The following SRGAP3 variants were observed in gnomAD, a reference collection of about 807,000 sequenced individuals.
The protein encoded by SRGAP3 is SLIT-ROBO Rho GTPase-activating protein 3.
A neutral mutation model predicts 121.1 loss-of-function variants in SRGAP3; 39 were observed. The ratio of observed to expected loss-of-function variants is 0.32; its 90% CI spans 0.25 to 0.42. The LOEUF (loss-of-function observed/expected upper bound fraction) is 0.42. Among genes scored for constraint, SRGAP3 ranks in the 10% least tolerant of loss-of-function variants. SRGAP3 has a pLI of 1.00. For missense variants in SRGAP3, 1,213 were observed against 1,470.6 expected (o/e 0.82, Z 2.86); for synonymous variants, 601 against 570.0 (o/e 1.05, Z -0.77).
intron 3 of SRGAP3, among the ~76,000 whole-genome samples, chr3:9,084,393 A>T (rs1317498506): frequency 6.6e-6 from 1 of 152,172 alleles, no homozygotes; most frequent in Non-Finnish European, 1.5e-5. Context: ...GGTCAAATGG[A>T]AAGTTTTAGC....
intron 18 of SRGAP3, among the ~76,000 whole-genome samples, chr3:8,995,453 G>A (rs537887837): frequency 6.6e-6 from 1 of 152,314 alleles, no homozygotes; most frequent in East Asian, 1.9e-4. Flanking sequence ...TCCAGCTTGG[G>A]TGACAGAGCA....
At chr3:9,192,231 G>A (rs1951774276) in intron 1 of SRGAP3, among the ~76,000 whole-genome samples, 1 of 152,210 alleles carries the variant, frequency 6.6e-6, no homozygotes, top group Non-Finnish European at 1.5e-5. Flanking sequence ...CTGAGCCCTT[G>A]GAATATCGTG....
At chr3:9,029,381 T>C (rs1034185103) in intron 12 of SRGAP3, among the ~76,000 whole-genome samples, 1 of 152,132 alleles carries the variant, frequency 6.6e-6, no homozygotes, top group African/African-American at 2.4e-5. Context: ...TAAAAATGAG[T>C]TCTCCTTTTG....
At chr3:9,080,310 T>C (rs1424803009) in intron 3 of SRGAP3, among the ~76,000 whole-genome samples, 2 of 152,106 alleles carry the variant, frequency 1.3e-5, no homozygotes, top group Admixed American at 1.3e-4. Flanking sequence ...CCTGATCATA[T>C]GAGTTGGAGA....
At chr3:9,057,573 G>T (rs1945886430) in intron 7 of SRGAP3, among the ~76,000 whole-genome samples, 1 of 152,162 alleles carries the variant, frequency 6.6e-6, no homozygotes. Context: ...GCCACGGGTG[G>T]CCCAGCTGAG....
At chr3:9,207,451 C>A (rs1420248841) in intron 1 of SRGAP3, among the ~76,000 whole-genome samples, 1 of 152,154 alleles carries the variant, frequency 6.6e-6, no homozygotes, top group Non-Finnish European at 1.5e-5. Context: ...CAAGTAATCC[C>A]AACTCAGAGG....
intron 1 of SRGAP3, among the ~76,000 whole-genome samples, chr3:9,173,204 G>C (rs111401417): frequency 1.3e-5 from 2 of 152,340 alleles, no homozygotes; most frequent in African/African-American, 4.8e-5. Flanking sequence ...TCAGCAGGCC[G>C]AATGGAGCAG....
chr3:9,254,222 A>C (rs548031895), upstream of SRGAP3, among the ~76,000 whole-genome samples: 1 of 152,348 alleles, frequency 6.6e-6, no homozygotes, highest in South Asian at 2.1e-4. Context: ...TGAATGGATA[A>C]ACAAAAAATG....
rs186689169 is a variant in SRGAP3 at position 9,276,628 on chromosome 3, T to C, written n.442+49382A>G. Among the ~76,000 whole-genome samples the C allele has an allele frequency of 1.5e-4, 23 of 152,306 alleles. No individual in the cohort carries two copies. In the East Asian group the frequency reaches 4.4e-3, roughly 29 times the overall value. ...TTTTAGTAGAGACAGGGTTTCACTATGTTGACCAGACTGGTCTTGAACTCC... is the reference window on the plus strand; with the variant it reads ...TTTTAGTAGAGACAGGGTTTCACTACGTTGACCAGACTGGTCTTGAACTCC... On this transcript the variant is annotated intron_variant and non_coding_transcript_variant, in intron 3 of 3. Coordinates refer to the SRGAP3 transcript ENST00000490889.
chr3:9,129,438 T>C (rs1949358013), intron 1 of SRGAP3, among the ~76,000 whole-genome samples: 1 of 151,650 alleles, frequency 6.6e-6, no homozygotes, highest in African/African-American at 2.4e-5. Flanking sequence ...GATATTTTTC[T>C]TTCCAAAGTT....
At chr3:9,009,951 G>A (rs1943278825) in intron 18 of SRGAP3, among the ~76,000 whole-genome samples, 1 of 152,226 alleles carries the variant, frequency 6.6e-6, no homozygotes, top group Non-Finnish European at 1.5e-5. Flanking sequence ...GCTTGGCACA[G>A]AGCAGACCCT....
intron 3 of SRGAP3, among the ~76,000 whole-genome samples, chr3:9,317,240 G>A (rs1023631456): frequency 6.6e-6 from 1 of 152,192 alleles, no homozygotes; most frequent in African/African-American, 2.4e-5. Context: ...CGCTCCCATT[G>A]TAAATTCCAT....
chr3:9,044,996 T>C (rs535817998), intron 10 of SRGAP3, among the ~76,000 whole-genome samples: 4 of 152,330 alleles, frequency 2.6e-5, no homozygotes, highest in Non-Finnish European at 5.9e-5. Flanking sequence ...TCAGGGTCCA[T>C]CTTTTTCAGT....
At chr3:9,227,417 T>C (rs1953029509) in intron 1 of SRGAP3, among the ~76,000 whole-genome samples, 1 of 152,112 alleles carries the variant, frequency 6.6e-6, no homozygotes, top group Non-Finnish European at 1.5e-5. Context: ...ATTCCAGACA[T>C]TGGGTAAGCA....
intron 1 of SRGAP3, among the ~76,000 whole-genome samples, chr3:9,175,368 C>T (rs973731074): frequency 6.6e-6 from 1 of 152,198 alleles, no homozygotes; most frequent in African/African-American, 2.4e-5. Context: ...TTTTGTTTGC[C>T]TCTGTATCCC....
intron 3 of SRGAP3, among the ~76,000 whole-genome samples, chr3:9,288,963 C>A (rs548355639): frequency 6.6e-6 from 1 of 152,198 alleles, no homozygotes; most frequent in East Asian, 1.9e-4. Context: ...GTGGCGTGAT[C>A]TTGGCTAACT....
chr3:8,990,063 C>T (rs976931473), intron 21 of SRGAP3, among the ~76,000 whole-genome samples: 1 of 152,326 alleles, frequency 6.6e-6, no homozygotes, highest in East Asian at 1.9e-4. Flanking sequence ...TGGGCAGGGC[C>T]TGAGTCCATT....
chr3:9,129,094 C>T (rs1949345878), intron 1 of SRGAP3, among the ~76,000 whole-genome samples: 1 of 152,148 alleles, frequency 6.6e-6, no homozygotes, highest in Non-Finnish European at 1.5e-5. Context: ...CTATTTGACA[C>T]ATTTTTAAAA....
At chr3:9,199,035 T>C (rs2125153171) in intron 1 of SRGAP3, among the ~76,000 whole-genome samples, 1 of 152,144 alleles carries the variant, frequency 6.6e-6, no homozygotes, top group East Asian at 1.9e-4. Context: ...TGGCGCATTT[T>C]CCTTCCTGTC....
Sources: allele counts gnomAD v4.1 joint callset (sites outside exome capture counted in the v4.1 genomes callset), GRCh38; gene constraint gnomAD v4.1.1; transcripts MANE v1.5; gene names NCBI Gene and HGNC (gene_info 2026-07-23, HGNC 2026-07-21).